ZNF467: variants seen among roughly 807,000 people sequenced by gnomAD.
ZNF467 encodes zinc finger protein 467.
In ZNF467, 51 loss-of-function variants were observed where a neutral mutation model predicts 47.8. The observed-to-expected ratio is 1.07, with a 90% CI of 0.85 to 1.35. The LOEUF (loss-of-function observed/expected upper bound fraction) is 1.35, where lower values mean the gene tolerates loss of function less well. ZNF467 is among the 40% of genes most tolerant of loss of function. ZNF467 has a pLI of 0.00. For synonymous variants in ZNF467, 416 were observed against 372.9 expected, an observed-to-expected ratio of 1.12 and a Z score of -1.33; for missense variants, 992 against 858.1, an observed-to-expected ratio of 1.16 and a Z score of -1.95.
At position 149,770,521 on chromosome 7, in the gene ZNF467, T is replaced by A; in HGVS notation, c.70A>T (p.Ser24Cys). Residue 24 changes from serine (S) to cysteine (C), a missense_variant, in exon 3 of 5, where the codon AGT becomes TGT. Transcript: ENST00000302017. ...SVGQPEMAPQ[S>C]EPREGSHNAQ... ...TTATGGGATCCTTCCCTGGGCTCAC[T>A]TTGGGGGGCCATCTCTGGCTGTCCC... The A allele has an allele frequency of 6.2e-7, 1 of 1,613,714 alleles. No homozygotes were observed. Among genetic ancestry groups the A allele is most frequent in the Non-Finnish European group, 8.5e-7 (1 of 1,179,820 alleles).
chr7:149,769,123 C>T lies in ZNF467; in HGVS notation c.229G>A (p.Ala77Thr), dbSNP rs1355240081. 6.4e-7 allele frequency: 1 copy of T among 1,558,640 alleles called. No individual in the cohort carries two copies. Among genetic ancestry groups the T allele is most frequent in the Non-Finnish European group, 8.7e-7 (1 of 1,150,476 alleles). Residue 77 changes from alanine to threonine, a missense_variant, in exon 4 of 5, where the codon GCA becomes ACA. Physicochemically the swap from Ala to Thr is moderately conservative, Grantham distance 58. Transcript: ENST00000302017. The surrounding 1 kb of genome is among the most constrained non-coding windows in gnomAD (Gnocchi z 5.3). ...GTACCCACAGGCTGAGCCTTCTGTG[C>T]TGAGCACGCCTGGCCTCTGCAGGGA... ...EAPCRGQACSAQKAQPVGTCP... is the reference protein window; with the variant it reads ...EAPCRGQACSTQKAQPVGTCP...
chr7:149,775,453 A>T (rs1799547269), upstream of ZNF467, among the ~76,000 whole-genome samples: 1 of 152,184 alleles, frequency 6.6e-6, no homozygotes, highest in African/African-American at 2.4e-5. Context: ...GGAAGACCCC[A>T]TCAGTCGTTT....
chr7:149,774,077 C>T (rs1008313626), upstream of ZNF467, among the ~76,000 whole-genome samples: 1 of 90,646 alleles, frequency 1.1e-5, no homozygotes, highest in Non-Finnish European at 2.4e-5. The surrounding 1 kb of genome is among the most constrained non-coding windows in gnomAD (Gnocchi z 5.7). Flanking sequence ...ATTCTGAGGG[C>T]GGGGTCCGGG....
chr7:149,770,858 G>T, intron 2 of ZNF467, 141 bp downstream of exon 2: 1 of 1,002,152 alleles, frequency 1.0e-6, no homozygotes, highest in Non-Finnish European at 1.5e-6. Flanking sequence ...GACACCCCGT[G>T]CTACAGAAAA....
upstream of ZNF467, chr7:149,776,040 C>T (rs1365738800): frequency 7.3e-6 from 10 of 1,365,434 alleles, no homozygotes; most frequent in Non-Finnish European, 9.8e-6. Flanking sequence ...GGTGAGGGCA[C>T]CATGCTACTC....
At chr7:149,771,128 G>T in intron 1 of ZNF467, 54 bp from the exon 2 acceptor site, 5 of 1,538,414 alleles carry the variant, frequency 3.3e-6, no homozygotes, top group Non-Finnish European at 4.5e-6. Context: ...CTTCCACCTG[G>T]GCCCTGGCTC....
upstream of ZNF467, chr7:149,776,306 G>A (rs933558565): frequency 2.3e-6 from 3 of 1,330,940 alleles, no homozygotes; most frequent in Non-Finnish European, 3.0e-6. Flanking sequence ...TGGTGACAGA[G>A]GGAATGGTGG....
At chr7:149,776,469 C>A, upstream of ZNF467, 2 of 1,334,984 alleles carry the variant, frequency 1.5e-6, no homozygotes, top group East Asian at 4.9e-5. Flanking sequence ...TGGACCTGCC[C>A]TGGAGTGGCC....
chr7:149,765,558 A>G lies in ZNF467; in HGVS notation c.944T>C (p.Leu315Ser). 6.3e-7 allele frequency: 1 copy of G among 1,586,246 alleles called. No individual in the cohort carries two copies. The highest frequency in any genetic ancestry group is 8.6e-7 in the Non-Finnish European group (1 of 1,166,236). Residue 315 changes from leucine (L) to serine (S), a missense_variant, in exon 5 of 5, where the codon TTG becomes TCG. Leu to Ser is a moderately radical substitution (Grantham distance 145). Coordinates refer to ENST00000302017, the MANE Select transcript of ZNF467 (RefSeq NM_207336.3). ...CARSFTHKQH[L>S]VRHQRVHQTA... is the part of the protein sequence containing the mutation. ...CTGGTGCACCCTTTGGTGCCGCACC[A>G]AGTGCTGCTTGTGCGTGAAGCTGCG...
At position 149,769,906 on chromosome 7, in the gene ZNF467, G is replaced by C. The variant is rs1159475017; in HGVS notation, c.151+534C>G. Among the ~76,000 whole-genome samples the C allele has an allele frequency of 6.6e-6, 1 of 152,042 alleles. No individual in the cohort carries two copies. Among genetic ancestry groups the C allele is most frequent in the East Asian group, 1.9e-4 (1 of 5,182 alleles). On this transcript the variant is annotated intron_variant, in intron 3 of 4. Coordinates refer to ENST00000302017, the MANE Select transcript of ZNF467 (RefSeq NM_207336.3). The surrounding 1 kb of genome is among the most constrained non-coding windows in gnomAD (Gnocchi z 5.3). ...TGTTGCCTAGGCTGGTCTCGAATGG[G>C]GCTCAAGCAATCCTTCCACCTTGGC...
At position 149,764,556 on chromosome 7, in the gene ZNF467, T is replaced by G. The variant is rs565268761; in HGVS notation, c.*158A>C. ...TCTGTCCTAGGAGGTCCGAGCTGGG[T>G]ATGCTGTGCGGACGCAGACACTGCG... On this transcript the variant is annotated 3_prime_UTR_variant, in exon 5 of 5. Coordinates refer to ENST00000302017, the MANE Select transcript of ZNF467 (RefSeq NM_207336.3). 102 of 1,336,860 alleles carry G rather than the reference T, an allele frequency of 7.6e-5. No individual in the cohort carries two copies. The highest frequency in any genetic ancestry group is 5.3e-4 in the Middle Eastern group (3 of 5,626). The allele number at this position is 1,336,860 out of a possible 1,614,324, so 82.8% of individuals were successfully genotyped here.
upstream of ZNF467, chr7:149,776,232 C>A: frequency 8.9e-7 from 1 of 1,124,252 alleles, no homozygotes; most frequent in Non-Finnish European, 1.2e-6. Flanking sequence ...GTGTCTCTCC[C>A]TACCTTAGCA....
Position 149,764,670 on chromosome 7 carries a change from C to G in ZNF467, c.*44G>C, listed in dbSNP as rs984218732. On this transcript the variant is annotated 3_prime_UTR_variant, in exon 5 of 5. Coordinates refer to ENST00000302017, the MANE Select transcript of ZNF467 (RefSeq NM_207336.3). ...CCCCAGGCGGTCTCATGGCACGGGC[C>G]TCTCGAAACTGTGGGCAAGAAAGGG... The G allele has an allele frequency of 6.4e-7, 1 of 1,566,222 alleles. No homozygotes were observed. Among genetic ancestry groups the G allele is most frequent in the Non-Finnish European group, 8.7e-7 (1 of 1,153,290 alleles).
rs558872346 is a variant in ZNF467, at chr7:149,764,745, G to T, written c.1757C>A (p.Pro586His). The part of the protein sequence containing the change: ...ALAAPAWSAP[P>H]EVAPPPLFF ...GAAGAGCGGGGGCGGCGCCACCTCGGGGGGAGCGGACCAGGCTGGGGCCGC... is the reference window on the plus strand; with the variant it reads ...GAAGAGCGGGGGCGGCGCCACCTCGTGGGGAGCGGACCAGGCTGGGGCCGC... Residue 586 changes from proline (P) to histidine (H), a missense_variant, in exon 5 of 5, where the codon CCC becomes CAC. Coordinates refer to ENST00000302017, the MANE Select transcript of ZNF467 (RefSeq NM_207336.3). 5.0e-5 allele frequency: 78 copies of T among 1,548,524 alleles called. No homozygotes were observed. The highest frequency in any genetic ancestry group is 1.7e-4 in the Middle Eastern group (1 of 5,782).
rs760573894 is a variant in ZNF467 at position 149,765,785 on chromosome 7, C to A, written c.717G>T (p.Thr239=). Residue 239 remains threonine (T), a synonymous_variant, in exon 5 of 5, where the codon ACG becomes ACT. Transcript: ENST00000302017. ...CCGCGCACGGGTAGGGCCGCTCGCCCGTGTGCGTGCGCAGGTGGCGGGTCA... is the reference window on the plus strand; with the variant it reads ...CCGCGCACGGGTAGGGCCGCTCGCCAGTGTGCGTGCGCAGGTGGCGGGTCA... The part of the protein sequence containing the change: ...AHLTRHLRTH[T]GERPYPCAEC... 1 of 1,611,230 alleles carries A rather than the reference C, an allele frequency of 6.2e-7. No homozygotes were observed. Among genetic ancestry groups the A allele is most frequent in the South Asian group, 1.1e-5 (1 of 90,718 alleles).
At position 149,765,273 on chromosome 7, in the gene ZNF467, G is replaced by C. The variant is rs1178916325; in HGVS notation, c.1229C>G (p.Pro410Arg). Residue 410 changes from proline to arginine, a missense_variant, in exon 5 of 5, where the codon CCG (proline) becomes CGG (arginine). Physicochemically the swap from Pro to Arg is moderately radical, Grantham distance 103. Transcript: ENST00000302017. ...AKPLASAPGGPGCGPGSDPVV... is the reference protein window; with the variant it reads ...AKPLASAPGGRGCGPGSDPVV... ...GGGATCGGATCCTGGGCCGCAGCCCGGTCCGCCAGGCGCGCTGGCCAGGGG... is the reference window on the plus strand; with the variant it reads ...GGGATCGGATCCTGGGCCGCAGCCCCGTCCGCCAGGCGCGCTGGCCAGGGG... 6 of 1,459,170 alleles carry C rather than the reference G, an allele frequency of 4.1e-6. No individual in the cohort carries two copies. The South Asian group carries it at 7.1e-5, about 17-fold the overall frequency. 90.4% of individuals were successfully genotyped at this position (1,459,170 alleles called of 1,614,324 possible). A position where few individuals can be genotyped will look rare whatever the true frequency, so the allele number is the denominator to read the frequency against.
rs201689370 is a variant in ZNF467, at chr7:149,770,525, G to C, written c.66C>G (p.Pro22=). 4 of 1,613,680 alleles carry C rather than the reference G, an allele frequency of 2.5e-6. No homozygotes were observed. The highest frequency in any genetic ancestry group is 8.5e-7 in the Non-Finnish European group (1 of 1,179,806). Residue 22 remains proline, a synonymous_variant, in exon 3 of 5, where the codon CCC becomes CCG. Coordinates refer to ENST00000302017, the MANE Select transcript of ZNF467 (RefSeq NM_207336.3). The part of the protein sequence containing the change: ...GFSVGQPEMA[P]QSEPREGSHN... ...GGGATCCTTCCCTGGGCTCACTTTG[G>C]GGGGCCATCTCTGGCTGTCCCACAG...
At chr7:149,775,764 CAG>C (rs1563084366), upstream of ZNF467, among the ~76,000 whole-genome samples, 2 of 150,884 alleles carry the variant, frequency 1.3e-5, no homozygotes, top group East Asian at 1.9e-4. Context: ...CAAAGGGAAA[CAG>C]ATGCACTGGA....
Position 149,769,144 on chromosome 7 carries a change from A to G in ZNF467, c.208T>C (p.Cys70Arg), listed in dbSNP as rs780385073. Residue 70 changes from cysteine (C) to arginine (R), a missense_variant, in exon 4 of 5, where the codon TGC (cysteine) becomes CGC (arginine). Physicochemically the swap from Cys to Arg is radical, Grantham distance 180. Transcript: ENST00000302017. This position sits in a 1 kb window ranked among gnomAD's most constrained non-coding sequence, Gnocchi z 5.3. ...GAHTEQAEAP[C>R]RGQACSAQKA... ...TGTGCTGAGCACGCCTGGCCTCTGC[A>G]GGGAGCCTCGGCTTGTTCTGTGTGG... 6 of 1,562,938 alleles carry G rather than the reference A, an allele frequency of 3.8e-6. No homozygotes were observed. In the Admixed American group the frequency reaches 1.1e-4, roughly 29 times the overall value.
Sources: allele counts gnomAD v4.1 joint callset (sites outside exome capture counted in the v4.1 genomes callset), GRCh38; gene constraint gnomAD v4.1.1; non-coding constraint Gnocchi (gnomAD v3.1); transcripts MANE v1.5; gene names NCBI Gene and HGNC (gene_info 2026-07-23, HGNC 2026-07-21).